TNK1: variants seen among roughly 807,000 people sequenced by gnomAD.
TNK1 encodes the protein tyrosine kinase non receptor 1.
TNK1 carries 53 observed loss-of-function variants against 65.2 expected under a neutral mutation model. The observed-to-expected ratio is 0.81, with a 90% CI of 0.65 to 1.02. The LOEUF is 1.02. TNK1 is among the 50% of genes least tolerant of loss of function. TNK1 has a pLI of 0.00. For missense variants in TNK1, 837 were observed against 878.4 expected, an observed-to-expected ratio of 0.95 and a Z score of 0.60; for synonymous variants, 353 against 364.6, an observed-to-expected ratio of 0.97 and a Z score of 0.36.
In TNK1 at chr17:7,382,920, T is replaced by A. The variant is rs1447827005; in HGVS notation, c.-7T>A. 1 of 1,613,802 alleles carries A rather than the reference T, an allele frequency of 6.2e-7. No individual in the cohort carries two copies. Among genetic ancestry groups the A allele is most frequent in the East Asian group, 2.2e-5 (1 of 44,886 alleles). ...TGCCATCATCCTTAGGAACTCCTTC[T>A]CCAGACATGCTTCCTGAGGCTGGCT... On this transcript the variant is annotated 5_prime_UTR_variant, in exon 2 of 13. Coordinates refer to ENST00000688331, the MANE Select transcript of TNK1 (RefSeq NM_003985.6). The surrounding 1 kb of genome is among the most constrained non-coding windows in gnomAD (Gnocchi z 4.1).
rs1306398421 is a variant in TNK1, at chr17:7,388,023, A to G, written c.1478-383A>G. Among the ~76,000 whole-genome samples the G allele has an allele frequency of 3.3e-5, 5 of 152,188 alleles. No individual in the cohort carries two copies. In the East Asian group the frequency reaches 7.7e-4, roughly 23 times the overall value. On this transcript the variant is annotated intron_variant, in intron 10 of 12. Coordinates refer to ENST00000688331, the MANE Select transcript of TNK1 (RefSeq NM_003985.6). The surrounding 1 kb of genome is among the most constrained non-coding windows in gnomAD (Gnocchi z 4.5). ...GCCCTCCGCCTAGGCCTTGGTGTCCACTTGCCCATCTGTCTTATTGTCCCA... is the reference window on the plus strand; with the variant it reads ...GCCCTCCGCCTAGGCCTTGGTGTCCGCTTGCCCATCTGTCTTATTGTCCCA...
At position 7,382,327 on chromosome 17, in the gene TNK1, TA is replaced by T. The variant is rs1442349538; in HGVS notation, c.-91-508del. The stretch of plus-strand genomic sequence containing the variant: ...TCGGCCATGTTTTGCAGTATATCTG[TA>T]GGTCTCAGTGTGTGTGTGTGGCAGC... On this transcript the variant is annotated intron_variant, in intron 1 of 12. Transcript: ENST00000688331. This position sits in a 1 kb window ranked among gnomAD's most constrained non-coding sequence, Gnocchi z 4.1. 2.6e-5 allele frequency among the ~76,000 whole-genome samples: 4 copies of T among 151,110 alleles called. No homozygotes were observed. Among genetic ancestry groups the T allele is most frequent in the Non-Finnish European group, 5.9e-5 (4 of 67,930 alleles).
rs1904911548 is a variant in TNK1 at position 7,382,999 on chromosome 17, C to T, written c.73C>T (p.Pro25Ser). Reference sequence around the variant, plus strand: ...CATCCAGTTGGCCCAGTTTTACTGGCCCATCCTTGAGGAGCTTAATGTCAC... The same window carrying T: ...CATCCAGTTGGCCCAGTTTTACTGGTCCATCCTTGAGGAGCTTAATGTCAC... The part of the protein sequence containing the change: ...RDIQLAQFYW[P>S]ILEELNVTRP... The change falls in exon 2 of 13, where the codon CCC becomes TCC. Residue 25 changes from proline (P) to serine (S), a missense_variant. Transcript: ENST00000688331. This position sits in a 1 kb window ranked among gnomAD's most constrained non-coding sequence, Gnocchi z 4.1. The T allele has an allele frequency of 6.2e-7, 1 of 1,614,020 alleles. No individual in the cohort carries two copies. The highest frequency in any genetic ancestry group is 1.1e-5 in the South Asian group (1 of 91,090).
chr17:7,383,759 C>A lies in TNK1; in HGVS notation c.477C>A (p.Gly159=). The A allele has an allele frequency of 6.2e-7, 1 of 1,612,814 alleles. No homozygotes were observed. Among genetic ancestry groups the A allele is most frequent in the Admixed American group, 1.7e-5 (1 of 59,870 alleles). ...GGGTAGGTCCCGAAGGCCCGATGGG[C>A]ACAGAACTGGGGGACTTCCTGCGAG... ...SLRVGPEGPM[G]TELGDFLREV... Residue 159 remains glycine (G), a synonymous_variant, in exon 5 of 13, where the codon GGC becomes GGA. Coordinates refer to ENST00000688331, the MANE Select transcript of TNK1 (RefSeq NM_003985.6).
chr17:7,386,527 C>T (rs777850819), intron 7 of TNK1, 34 bp from the exon 8 acceptor site: 128 of 1,547,208 alleles, frequency 8.3e-5, no homozygotes, highest in Middle Eastern at 1.7e-4. Flanking sequence ...ACTCAGGCCA[C>T]AAGCCCAGCC....
Position 7,387,425 on chromosome 17 carries a change from A to G in TNK1, c.1445A>G (p.Gln482Arg), listed in dbSNP as rs1283943175. The G allele has an allele frequency of 6.2e-7, 1 of 1,604,542 alleles. No individual in the cohort carries two copies. The highest frequency in any genetic ancestry group is 8.5e-7 in the Non-Finnish European group (1 of 1,175,928). Reference sequence around the variant, plus strand: ...TGGGATGCGCCCCCAGCACGGGGCCAGAGGAGGAACATGCCCCTGGAGAGG... The same window carrying G: ...TGGGATGCGCCCCCAGCACGGGGCCGGAGGAGGAACATGCCCCTGGAGAGG... The part of the protein sequence containing the change: ...NLWDAPPARG[Q>R]RRNMPLERMK... The change falls in exon 10 of 13, where the codon CAG becomes CGG. Residue 482 changes from glutamine to arginine, a missense_variant. Gln to Arg is a conservative substitution (Grantham distance 43). Transcript: ENST00000688331.
Position 7,384,578 on chromosome 17 carries a change from G to A in TNK1, c.961G>A (p.Glu321Lys). ...GCTGTGGGAGATGTTCTCCGGGGGCGAGGAACCCTGGGCCGGGGTCCCACC... is the reference window on the plus strand; with the variant it reads ...GCTGTGGGAGATGTTCTCCGGGGGCAAGGAACCCTGGGCCGGGGTCCCACC... ...VTLWEMFSGG[E>K]EPWAGVPPYL... Residue 321 changes from glutamate (E) to lysine (K), a missense_variant, in exon 7 of 13, where the codon GAG (glutamate) becomes AAG (lysine). Physicochemically the swap from Glu to Lys is moderately conservative, Grantham distance 56. Transcript: ENST00000688331. 1.9e-6 allele frequency: 3 copies of A among 1,612,178 alleles called. No homozygotes were observed. The highest frequency in any genetic ancestry group is 2.2e-5 in the East Asian group (1 of 44,836).
intron 7 of TNK1, among the ~76,000 whole-genome samples, chr17:7,385,365 A>AG (rs61328856): frequency 2.3e-5 from 1 of 43,878 alleles, no homozygotes; most frequent in Non-Finnish European, 6.6e-5. Flanking sequence ...ACTCCGTCTC[A>AG]AAAAAAAAAA....
intron 6 of TNK1, 65 bp from the exon 7 acceptor site, chr17:7,384,419 T>C (rs1597679346): frequency 4.8e-6 from 7 of 1,455,534 alleles, no homozygotes; most frequent in Non-Finnish European, 5.4e-6. Flanking sequence ...TCGGGGGTGC[T>C]CCGTGGAGGG....
chr17:7,387,788 G>A (rs1905268084), intron 10 of TNK1, among the ~76,000 whole-genome samples: 1 of 152,042 alleles, frequency 6.6e-6, no homozygotes, highest in Non-Finnish European at 1.5e-5. Context: ...ATTTTTAGTA[G>A]AGATGAGGTT....
chr17:7,388,757 A>G lies in TNK1; in HGVS notation c.1777-31A>G, dbSNP rs1484480342. The G allele has an allele frequency of 1.4e-5, 23 of 1,604,534 alleles. No homozygotes were observed. The South Asian group carries it at 2.2e-4, about 16-fold the overall frequency. On this transcript the variant is annotated intron_variant, in intron 11 of 12. Coordinates refer to ENST00000688331, the MANE Select transcript of TNK1 (RefSeq NM_003985.6). This position sits in a 1 kb window ranked among gnomAD's most constrained non-coding sequence, Gnocchi z 4.5. ...TCCAGAAGGGGCTACAGGCAGGGGC[A>G]GGGGCCTGAGTGAGGCTTTGTCTGT...
chr17:7,383,948 G>C lies in TNK1; in HGVS notation c.583-22G>C, dbSNP rs1349434911. On this transcript the variant is annotated intron_variant, in intron 5 of 12. Coordinates refer to ENST00000688331, the MANE Select transcript of TNK1 (RefSeq NM_003985.6). ...AGGGTCCAATGGGTCCGGCTCACGC[G>C]GCGCGGTGTTCCCTCCTGCAGGTGA... 4 of 1,521,044 alleles carry C rather than the reference G, an allele frequency of 2.6e-6. No individual in the cohort carries two copies. The East Asian group carries it at 9.7e-5, about 37-fold the overall frequency. The allele number at this position is 1,521,044 out of a possible 1,614,324, so 94.2% of individuals were successfully genotyped here.
At position 7,389,715 on chromosome 17, in the gene TNK1, A is replaced by G; in HGVS notation, c.*631A>G. ...ATACCAACTGCTTCTACCCTCCCCT[A>G]TTACATACATCTTTCAATGTCCAAA... On this transcript the variant is annotated 3_prime_UTR_variant, in exon 13 of 13. Transcript: ENST00000688331. 6.1e-6 allele frequency: 1 copy of G among 165,034 alleles called. No homozygotes were observed. Among genetic ancestry groups the G allele is most frequent in the Non-Finnish European group, 1.3e-5 (1 of 77,054 alleles). 10.2% of individuals were successfully genotyped at this position (165,034 alleles called of 1,614,324 possible).
In TNK1 at chr17:7,389,531, G is replaced by C; in HGVS notation, c.*447G>C. Reference sequence around the variant, plus strand: ...ATGATGGAAGCCACCATATTGACTTGGGGTATAGGCCCAAACTGCCTTCGT... The same window carrying C: ...ATGATGGAAGCCACCATATTGACTTCGGGTATAGGCCCAAACTGCCTTCGT... On this transcript the variant is annotated 3_prime_UTR_variant, in exon 13 of 13. Coordinates refer to ENST00000688331, the MANE Select transcript of TNK1 (RefSeq NM_003985.6). 2.7e-6 allele frequency: 1 copy of C among 375,006 alleles called. No homozygotes were observed. Among genetic ancestry groups the C allele is most frequent in the East Asian group, 3.9e-5 (1 of 25,354 alleles). 23.2% of individuals were successfully genotyped at this position (375,006 alleles called of 1,614,324 possible).
rs1181330739 is a variant in TNK1, at chr17:7,383,859, C to A, written c.577C>A (p.Gln193Lys). The A allele has an allele frequency of 3.1e-6, 5 of 1,608,790 alleles. No homozygotes were observed. The highest frequency in any genetic ancestry group is 4.2e-6 in the Non-Finnish European group (5 of 1,177,678). The change falls in exon 5 of 13, where the codon CAG becomes AAG. Residue 193 changes from glutamine to lysine, a missense_variant. Coordinates refer to ENST00000688331, the MANE Select transcript of TNK1 (RefSeq NM_003985.6). ...LHGLVLGQPL[Q>K]MVMELAPLGS... ...CGGCCTTGTACTGGGCCAGCCTCTG[C>A]AGATGGTGAGCAGATCCAGCCGCTG...
In TNK1 at chr17:7,388,541, C is replaced by T; in HGVS notation, c.1613C>T (p.Ser538Phe). The T allele has an allele frequency of 5.0e-6, 8 of 1,613,992 alleles. No individual in the cohort carries two copies. The highest frequency in any genetic ancestry group is 6.8e-6 in the Non-Finnish European group (8 of 1,179,900). ...PPGLPPRPPLSSSSPQPSQPS... is the reference protein window; with the variant it reads ...PPGLPPRPPLFSSSPQPSQPS... ...GGCCTGCCTCCACGCCCACCTTTAT[C>T]CTCTAGCTCTCCTCAGCCCAGCCAG... is the stretch of plus-strand genomic sequence containing the variant. The change falls in exon 11 of 13, where the codon TCC becomes TTC. Residue 538 changes from serine to phenylalanine, a missense_variant. Transcript: ENST00000688331. The surrounding 1 kb of genome is among the most constrained non-coding windows in gnomAD (Gnocchi z 4.5).
chr17:7,386,837 C>A, intron 8 of TNK1, 153 bp from the exon 9 acceptor site: 2 of 1,192,120 alleles, frequency 1.7e-6, no homozygotes, highest in South Asian at 1.6e-5. Context: ...CACTGCTGGC[C>A]CATAGAGCCT....
At chr17:7,384,814 G>C in intron 7 of TNK1, 60 bp downstream of exon 7, 1 of 1,518,638 alleles carries the variant, frequency 6.6e-7, no homozygotes, top group Non-Finnish European at 8.8e-7. Flanking sequence ...GCTCTCCCAG[G>C]GTTCCATGCG....
Position 7,388,339 on chromosome 17 carries a change from C to T in TNK1, c.1478-67C>T, listed in dbSNP as rs868371570. 58 of 1,488,200 alleles carry T rather than the reference C, an allele frequency of 3.9e-5. 1 individual carries two copies. In the Middle Eastern group the frequency reaches 4.6e-3, roughly 119 times the overall value. The allele number at this position is 1,488,200 out of a possible 1,614,324, so 92.2% of individuals were successfully genotyped here. A position where few individuals can be genotyped will look rare whatever the true frequency, so the allele number is the denominator to read the frequency against. ...ACTCGGGAGGCTGAGGTGGGAGGATCGCTTGAGCCCGGGAGGCGGAGGCTG... is the reference window on the plus strand; with the variant it reads ...ACTCGGGAGGCTGAGGTGGGAGGATTGCTTGAGCCCGGGAGGCGGAGGCTG... On this transcript the variant is annotated intron_variant, in intron 10 of 12. Coordinates refer to ENST00000688331, the MANE Select transcript of TNK1 (RefSeq NM_003985.6). The surrounding 1 kb of genome is among the most constrained non-coding windows in gnomAD (Gnocchi z 4.5).
Sources: allele counts gnomAD v4.1 joint callset (sites outside exome capture counted in the v4.1 genomes callset), GRCh38; gene constraint gnomAD v4.1.1; non-coding constraint Gnocchi (gnomAD v3.1); transcripts MANE v1.5; gene names NCBI Gene and HGNC (gene_info 2026-07-23, HGNC 2026-07-21).